Variants in DCC observed in about 807,000 individuals in gnomAD.
DCC encodes the protein netrin receptor DCC.
In DCC, 58 loss-of-function variants were observed where a neutral mutation model predicts 172.5. The ratio of observed to expected loss-of-function variants is 0.34; its 90% CI spans 0.27 to 0.42. DCC has a LOEUF of 0.42. DCC is among the 10% of genes least tolerant of loss of function. DCC has a pLI of 1.00. For synonymous variants in DCC, 709 were observed against 644.5 expected, an observed-to-expected ratio of 1.10 and a Z score of -1.52; for missense variants, 1,740 against 1,791.0, an observed-to-expected ratio of 0.97 and a Z score of 0.51.
Position 52,681,603 on chromosome 18 carries a change from C to T in DCC, c.92-70451C>T, listed in dbSNP as rs568946669. Among the ~76,000 whole-genome samples the T allele has an allele frequency of 4.6e-5, 7 of 152,194 alleles. No homozygotes were observed. The East Asian group carries it at 5.8e-4, about 13-fold the overall frequency. On this transcript the variant is annotated intron_variant, in intron 1 of 28. Transcript: ENST00000442544. ...ATTTCTGATTAGTTCCTTTTGTCAA[C>T]GTATATTAAATATCAAAGGAGCTGC...
At chr18:52,496,312 C>T (rs890396760) in intron 1 of DCC, among the ~76,000 whole-genome samples, 5 of 152,004 alleles carry the variant, frequency 3.3e-5, no homozygotes, top group Admixed American at 6.6e-5. Flanking sequence ...ATAAAAACAA[C>T]AAAAATAAAG....
At chr18:52,811,605 C>T (rs369421953) in intron 2 of DCC, among the ~76,000 whole-genome samples, 9 of 151,892 alleles carry the variant, frequency 5.9e-5, no homozygotes, top group African/African-American at 2.2e-4. Flanking sequence ...TATTTTTTTA[C>T]ATTACAAAAG....
At chr18:52,642,336 G>A (rs34998917) in intron 1 of DCC, among the ~76,000 whole-genome samples, 4,768 of 151,570 alleles carry the variant, frequency 0.031, 124 homozygotes, top group Admixed American at 0.079. Context: ...AGTGGGAGGG[G>A]GGCAAGGGAT....
chr18:53,499,582 C>T (rs1343481831), intron 27 of DCC, 72 bp downstream of exon 27: 2 of 1,218,566 alleles, frequency 1.6e-6, no homozygotes, highest in Non-Finnish European at 2.4e-6. Flanking sequence ...CATGAGGGTG[C>T]TTGAGAAGGC....
In DCC at chr18:52,340,841, C is replaced by T; in HGVS notation, c.54C>T (p.Phe18=). The part of the protein sequence containing the change: ...VWVPKLAFVL[F]GASLFSAHLQ... ...TACCCAAGCTGGCTTTTGTACTCTT[C>T]GGAGCTTCCTTGTTCAGCGCGCATC... is the stretch of plus-strand genomic sequence containing the variant. Residue 18 remains phenylalanine (F), a synonymous_variant, in exon 1 of 29, where the codon TTC becomes TTT. Transcript: ENST00000442544. 6.2e-7 allele frequency: 1 copy of T among 1,614,078 alleles called. No homozygotes were observed. Among genetic ancestry groups the T allele is most frequent in the Non-Finnish European group, 8.5e-7 (1 of 1,180,012 alleles).
chr18:52,365,976 T>C (rs1402040425), intron 1 of DCC, among the ~76,000 whole-genome samples: 1 of 152,208 alleles, frequency 6.6e-6, no homozygotes, highest in African/African-American at 2.4e-5. Flanking sequence ...CACACCTGTG[T>C]TTAAACTTAA....
At position 53,298,746 on chromosome 18, in the gene DCC, G is replaced by A. The variant is rs558122368; in HGVS notation, c.1912-6832G>A. Among the ~76,000 whole-genome samples the A allele has an allele frequency of 4.0e-5, 6 of 151,860 alleles. No homozygotes were observed. In the South Asian group the frequency reaches 1.2e-3, roughly 32 times the overall value. On this transcript the variant is annotated intron_variant, in intron 12 of 28. Coordinates refer to ENST00000442544, the MANE Select transcript of DCC (RefSeq NM_005215.4). ...CCTTGATTTTCCAAGGGCTTTGTAT[G>A]GGAAAGCTTATTGGATGTATTTTAA...
chr18:52,478,809 T>C (rs1405716401), intron 1 of DCC, among the ~76,000 whole-genome samples: 1 of 152,132 alleles, frequency 6.6e-6, no homozygotes, highest in Non-Finnish European at 1.5e-5. Flanking sequence ...GTTAAAGCAC[T>C]CATGAGAAAT....
chr18:53,094,269 TACAG>T (rs1210486543), intron 7 of DCC, among the ~76,000 whole-genome samples: 1 of 152,188 alleles, frequency 6.6e-6, no homozygotes, highest in African/African-American at 2.4e-5. Flanking sequence ...AGAAGATATG[TACAG>T]ACAGTGTCCC....
chr18:52,556,777 C>T (rs1195927927), intron 1 of DCC, among the ~76,000 whole-genome samples: 1 of 152,002 alleles, frequency 6.6e-6, no homozygotes, highest in Non-Finnish European at 1.5e-5. Flanking sequence ...GGAGTTTCCC[C>T]AGTGTCAATT....
At chr18:52,555,579 AAG>A (rs1327111236) in intron 1 of DCC, among the ~76,000 whole-genome samples, 2 of 152,236 alleles carry the variant, frequency 1.3e-5, no homozygotes, top group African/African-American at 4.8e-5. Flanking sequence ...CAGTGGCAAA[AAG>A]AATATAGTGA....
chr18:52,931,415 G>A (rs1023687438), intron 5 of DCC, among the ~76,000 whole-genome samples: 18 of 134,754 alleles, frequency 1.3e-4, no homozygotes, highest in Middle Eastern at 3.9e-3. Flanking sequence ...CTTTAATCAC[G>A]CATTTTATTA....
At chr18:53,211,842 G>A (rs957855992) in intron 11 of DCC, among the ~76,000 whole-genome samples, 7 of 152,106 alleles carry the variant, frequency 4.6e-5, no homozygotes, top group Admixed American at 3.9e-4. Context: ...GAGGCCAGAA[G>A]TTCGAGAACA....
rs142743371 is a variant in DCC at position 52,781,394 on chromosome 18, A to T, written c.412+29020A>T. Among the ~76,000 whole-genome samples, 3 of 129,994 alleles carry T rather than the reference A, an allele frequency of 2.3e-5. No individual in the cohort carries two copies. The East Asian group carries it at 7.0e-4, about 30-fold the overall frequency. The allele number at this position is 129,994 out of a possible 152,430, so 85.3% of individuals were successfully genotyped here. ...ATAGCATTCTCCGAGCTCCAACAGG[A>T]TCCACCAAACTGCTATCTGAGCTTG... On this transcript the variant is annotated intron_variant, in intron 2 of 28. Coordinates refer to ENST00000442544, the MANE Select transcript of DCC (RefSeq NM_005215.4).
chr18:52,889,163 T>C (rs2039612473), intron 2 of DCC, among the ~76,000 whole-genome samples: 1 of 152,050 alleles, frequency 6.6e-6, no homozygotes. Context: ...GAATTGGAGA[T>C]GGGGTAAAAA....
At chr18:52,876,467 A>C (rs767523780) in intron 2 of DCC, among the ~76,000 whole-genome samples, 1 of 152,202 alleles carries the variant, frequency 6.6e-6, no homozygotes, top group Non-Finnish European at 1.5e-5. Context: ...TCATTCAACT[A>C]TTGTATTATT....
At chr18:52,541,875 G>GTATATATATGTATATA (rs1555695201) in intron 1 of DCC, among the ~76,000 whole-genome samples, 9 of 115,202 alleles carry the variant, frequency 7.8e-5, no homozygotes, top group Admixed American at 1.9e-4. Flanking sequence ...GTGTGTGTGT[G>GTATATATATGTATATA]TATATATATA....
chr18:53,125,594 C>A (rs370424220), intron 7 of DCC, among the ~76,000 whole-genome samples: 2 of 152,066 alleles, frequency 1.3e-5, no homozygotes, highest in East Asian at 3.9e-4. Context: ...ACACCACCAG[C>A]GATTTTCCAG....
intron 5 of DCC, among the ~76,000 whole-genome samples, chr18:52,951,420 C>A (rs7233480): frequency 0.24 from 37,145 of 151,830 alleles, 4,828 homozygotes; most frequent in Admixed American, 0.32. Flanking sequence ...TGTCCTAATG[C>A]TCTCCTTCCC....
Sources: gnomAD v4.1 joint callset for allele counts (sites outside exome capture counted in the v4.1 genomes callset) on GRCh38, gnomAD v4.1.1 for gene constraint, MANE v1.5 for transcripts, NCBI Gene and HGNC (gene_info 2026-07-23, HGNC 2026-07-21) for gene names.